The following PTPRT variants were observed in gnomAD, a reference collection of about 807,000 sequenced individuals.
The protein encoded by PTPRT is protein tyrosine phosphatase receptor type T.
A neutral mutation model predicts 176.8 loss-of-function variants in PTPRT; 56 were observed. The ratio of observed to expected loss-of-function variants is 0.32; its 90% CI spans 0.26 to 0.40. The LOEUF (loss-of-function observed/expected upper bound fraction) is 0.40. PTPRT is among the 10% of genes least tolerant of loss of function. PTPRT has a pLI of 1.00. For missense variants in PTPRT, 1,540 were observed against 1,908.2 expected (o/e 0.81, Z 3.60); for synonymous variants, 783 against 739.0 (o/e 1.06, Z -0.96).
At chr20:42,256,503 G>GAAAA (rs71193653) in intron 13 of PTPRT, among the ~76,000 whole-genome samples, 1 of 147,034 alleles carries the variant, frequency 6.8e-6, no homozygotes. Context: ...TTTTAAAAAT[G>GAAAA]AAAAAAAAAA....
chr20:42,525,081 G>C (rs976014131), intron 7 of PTPRT, among the ~76,000 whole-genome samples: 1 of 151,964 alleles, frequency 6.6e-6, no homozygotes, highest in African/African-American at 2.4e-5. Flanking sequence ...TGTACCTCCC[G>C]GGCCCAAGCT....
intron 27 of PTPRT, among the ~76,000 whole-genome samples, chr20:42,087,872 C>CA (rs56235565): frequency 0.19 from 17,002 of 88,852 alleles, 1,928 homozygotes; most frequent in Non-Finnish European, 0.26. Flanking sequence ...GACTCCATTT[C>CA]AAAAAAAAAA....
At chr20:42,804,928 G>T (rs1014693409) in intron 2 of PTPRT, among the ~76,000 whole-genome samples, 2 of 152,202 alleles carry the variant, frequency 1.3e-5, no homozygotes, top group Admixed American at 1.3e-4. Context: ...CATCTAGAAT[G>T]ACTACTTCCA....
At chr20:42,885,747 A>G (rs1432885512) in intron 2 of PTPRT, 60 bp downstream of exon 2, 64 of 1,562,644 alleles carry the variant, frequency 4.1e-5, no homozygotes, top group East Asian at 1.4e-4. Flanking sequence ...TCTTCCCCCC[A>G]TGATTCACGG....
intron 1 of PTPRT, among the ~76,000 whole-genome samples, chr20:42,896,962 T>C (rs925820009): frequency 3.3e-5 from 5 of 152,136 alleles, no homozygotes; most frequent in African/African-American, 1.2e-4. Flanking sequence ...TCTGAATATA[T>C]AATTGAATTT....
intron 9 of PTPRT, among the ~76,000 whole-genome samples, chr20:42,439,325 G>A (rs904431367): frequency 1.3e-5 from 2 of 152,164 alleles, no homozygotes; most frequent in Non-Finnish European, 2.9e-5. Context: ...ATTCAGGAGA[G>A]GGAAAAAGAT....
rs142909281 is a variant in PTPRT, at chr20:42,793,515, G to A, written c.215-2049C>T. On this transcript the variant is annotated intron_variant, in intron 2 of 30. Coordinates refer to ENST00000373187, the MANE Select transcript of PTPRT (RefSeq NM_007050.6). ...ATATTGCCGCAAAAGTCATGATTTC[G>A]GAAAATGTAGCACCTCCTGGGGAAG... is the stretch of plus-strand genomic sequence containing the variant. 3.5e-3 allele frequency among the ~76,000 whole-genome samples: 528 copies of A among 152,226 alleles called. 3 individuals carry two copies. The highest frequency in any genetic ancestry group is 0.011 in the African/African-American group (449 of 41,528).
chr20:42,841,195 G>A (rs529940125), intron 2 of PTPRT, among the ~76,000 whole-genome samples: 30 of 152,230 alleles, frequency 2.0e-4, no homozygotes, highest in African/African-American at 5.3e-4. Flanking sequence ...TCAGAGCTCC[G>A]ACATTCCACT....
At chr20:42,689,430 C>A (rs1353293456) in intron 6 of PTPRT, among the ~76,000 whole-genome samples, 1 of 152,192 alleles carries the variant, frequency 6.6e-6, no homozygotes, top group East Asian at 1.9e-4. Flanking sequence ...TGAGAGCCAC[C>A]TCCACGGATA....
At chr20:42,459,273 C>T (rs1244578754) in intron 8 of PTPRT, among the ~76,000 whole-genome samples, 2 of 152,160 alleles carry the variant, frequency 1.3e-5, no homozygotes, top group Admixed American at 1.3e-4. Flanking sequence ...AGAGATGACA[C>T]AGAGGCAAAC....
At chr20:42,771,610 A>T (rs1445087478) in intron 4 of PTPRT, 60 bp from the exon 5 acceptor site, 1 of 1,404,738 alleles carries the variant, frequency 7.1e-7, no homozygotes, top group Admixed American at 1.7e-5. Flanking sequence ...CCACTTCCCT[A>T]TTGGTGGATG....
chr20:42,326,269 G>A (rs945870304), intron 11 of PTPRT, among the ~76,000 whole-genome samples: 1 of 152,142 alleles, frequency 6.6e-6, no homozygotes. Context: ...CTTCACACTC[G>A]CTGCTCTGTC....
intron 1 of PTPRT, among the ~76,000 whole-genome samples, chr20:42,976,785 A>G (rs1376017658): frequency 6.6e-6 from 1 of 152,226 alleles, no homozygotes; most frequent in African/African-American, 2.4e-5. Context: ...AAGGCTCTTG[A>G]TATTTCTTTT....
At chr20:42,535,778 C>A (rs1298670043) in intron 7 of PTPRT, among the ~76,000 whole-genome samples, 5 of 152,042 alleles carry the variant, frequency 3.3e-5, no homozygotes, top group Admixed American at 3.3e-4. Context: ...TATCTGGGGT[C>A]CCTGTGGCAG....
At chr20:42,543,337 TTCA>T (rs1285062430) in intron 7 of PTPRT, among the ~76,000 whole-genome samples, 1 of 152,224 alleles carries the variant, frequency 6.6e-6, no homozygotes, top group Non-Finnish European at 1.5e-5. Flanking sequence ...TTACAGCATC[TTCA>T]TCAATAAAAG....
At chr20:42,416,698 G>A (rs1461459653) in intron 9 of PTPRT, among the ~76,000 whole-genome samples, 1 of 152,192 alleles carries the variant, frequency 6.6e-6, no homozygotes, top group Non-Finnish European at 1.5e-5. Flanking sequence ...GAGTAACAGT[G>A]TCCAATAATA....
At chr20:42,039,692 G>GTGTATATATATATATATATA in the PTPRT span, among the ~76,000 whole-genome samples, 9 of 113,204 alleles carry the variant, frequency 8.0e-5, no homozygotes, top group Non-Finnish European at 1.2e-4. Flanking sequence ...ATTCTGTTGT[G>GTGTATATATATATATATATA]TATATATATA....
intron 7 of PTPRT, among the ~76,000 whole-genome samples, chr20:42,664,109 T>C (rs1040647042): frequency 3.9e-5 from 6 of 152,218 alleles, no homozygotes; most frequent in Admixed American, 2.0e-4. Context: ...AGGTAGGTAA[T>C]ATGATAGATA....
At chr20:42,897,448 T>C (rs1464786127) in intron 1 of PTPRT, among the ~76,000 whole-genome samples, 2 of 152,200 alleles carry the variant, frequency 1.3e-5, no homozygotes, top group African/African-American at 2.4e-5. Flanking sequence ...CTGGGTGTCT[T>C]CTAGATCAGA....
Sources: gnomAD v4.1 joint callset for allele counts (sites outside exome capture counted in the v4.1 genomes callset) on GRCh38, gnomAD v4.1.1 for gene constraint, MANE v1.5 for transcripts, NCBI Gene and HGNC (gene_info 2026-07-23, HGNC 2026-07-21) for gene names.